BST1: variants seen among roughly 807,000 people sequenced by gnomAD.
BST1 encodes the protein ADP-ribosyl cyclase/cyclic ADP-ribose hydrolase 2.
BST1 carries 49 observed loss-of-function variants against 40.6 expected under a neutral mutation model. The ratio of observed to expected loss-of-function variants is 1.21; its 90% CI spans 0.96 to 1.53. BST1 has a LOEUF of 1.53. Among genes scored for constraint, BST1 ranks in the 40% most tolerant of loss-of-function variants. BST1 has a pLI of 0.00. For synonymous variants in BST1, 157 were observed against 159.3 expected (o/e 0.99, Z 0.11); for missense variants, 423 against 395.9 (o/e 1.07, Z -0.58).
chr4:15,731,446 G>T, intron 8 of BST1: 2 of 728,886 alleles, frequency 2.7e-6, no homozygotes, highest in Admixed American at 1.9e-5. Flanking sequence ...GAGAACTTGG[G>T]GCAGGGAGTG....
chr4:15,748,713 A>G, the BST1 span, among the ~76,000 whole-genome samples: 1 of 152,126 alleles, frequency 6.6e-6, no homozygotes, highest in Non-Finnish European at 1.5e-5. Context: ...AGGTCTTCTG[A>G]CTTCACACTA....
chr4:15,729,055 AT>A (rs1721258057), intron 8 of BST1, among the ~76,000 whole-genome samples: 2 of 152,246 alleles, frequency 1.3e-5, no homozygotes, highest in African/African-American at 4.8e-5. Context: ...AATTTTATAC[AT>A]TTATTAGGTT....
the BST1 span, among the ~76,000 whole-genome samples, chr4:15,750,568 C>T: frequency 6.6e-6 from 1 of 152,158 alleles, no homozygotes; most frequent in Non-Finnish European, 1.5e-5. Flanking sequence ...ACTATGCTGT[C>T]CAGTATGGTA....
chr4:15,729,134 T>G (rs2148895262), intron 8 of BST1, among the ~76,000 whole-genome samples: 1 of 152,340 alleles, frequency 6.6e-6, no homozygotes, highest in South Asian at 2.1e-4. Flanking sequence ...TTAAAAAAGA[T>G]GTAATATTTT....
At chr4:15,773,726 G>T in the BST1 span, among the ~76,000 whole-genome samples, 13 of 152,316 alleles carry the variant, frequency 8.5e-5, no homozygotes, top group South Asian at 2.1e-4. Context: ...AGCCCAGGAG[G>T]TTAAGGCTGC....
chr4:15,707,133 CA>C (rs1560276877), intron 2 of BST1, among the ~76,000 whole-genome samples: 2 of 152,166 alleles, frequency 1.3e-5, no homozygotes, highest in African/African-American at 4.8e-5. Flanking sequence ...CTGCATTTTC[CA>C]GAAGTAGAAA....
chr4:15,704,231 A>G, intron 1 of BST1, among the ~76,000 whole-genome samples: 1 of 96,558 alleles, frequency 1.0e-5, no homozygotes, highest in African/African-American at 4.3e-5. Flanking sequence ...AGAGCTGAGG[A>G]GAGTGTGTGT....
chr4:15,735,878 A>C (rs1721542182), downstream of BST1, among the ~76,000 whole-genome samples: 1 of 152,248 alleles, frequency 6.6e-6, no homozygotes, highest in Non-Finnish European at 1.5e-5. Context: ...TTATTTTTAA[A>C]AACTAAACAT....
At chr4:15,739,776 G>T (rs1043182709), downstream of BST1, among the ~76,000 whole-genome samples, 1 of 152,026 alleles carries the variant, frequency 6.6e-6, no homozygotes, top group Non-Finnish European at 1.5e-5. Flanking sequence ...AATTTTGTAG[G>T]GTAAAAAGAT....
Position 15,705,529 on chromosome 4 carries a change from C to A in BST1, c.203C>A (p.Thr68Lys). 1 of 1,591,454 alleles carries A rather than the reference C, an allele frequency of 6.3e-7. No homozygotes were observed. Among genetic ancestry groups the A allele is most frequent in the Non-Finnish European group, 8.5e-7 (1 of 1,170,320 alleles). ...CTTTTGCACAGGAACAAGAACTGCA[C>A]AGCCATCTGGGAAGCCTTTAAAGTG... is the stretch of plus-strand genomic sequence containing the variant. ...LSPEQRNKNC[T>K]AIWEAFKVAL... is the part of the protein sequence containing the mutation. The change falls in exon 2 of 9, where the codon ACA becomes AAA. Residue 68 changes from threonine (T) to lysine (K), a missense_variant. By Grantham distance (78) the Thr-to-Lys change is moderately conservative. Transcript: ENST00000265016.
At chr4:15,756,720 G>A in the BST1 span, among the ~76,000 whole-genome samples, 2 of 152,116 alleles carry the variant, frequency 1.3e-5, no homozygotes. Context: ...TTTCCCCCTA[G>A]CGGCCTCGGA....
chr4:15,718,911 T>A lies in BST1; in HGVS notation c.709T>A (p.Ser237Thr). The A allele has an allele frequency of 6.2e-7, 1 of 1,613,838 alleles. No individual in the cohort carries two copies. Among genetic ancestry groups the A allele is most frequent in the Non-Finnish European group, 8.5e-7 (1 of 1,179,808 alleles). ...TTATATATTTTCATGTTTTAGGGAA[T>A]CCTGCGGGGAAGGCAGCATGAAAGT... ...MHEIGGPNVE[S>T]CGEGSMKVLE... Residue 237 changes from serine to threonine, a missense_variant, in exon 7 of 9, where the codon TCC (serine) becomes ACC (threonine). Physicochemically the swap from Ser to Thr is moderately conservative, Grantham distance 58 (BLOSUM62 1). Transcript: ENST00000265016.
the BST1 span, among the ~76,000 whole-genome samples, chr4:15,744,574 G>A: frequency 3.9e-5 from 6 of 152,120 alleles, no homozygotes; most frequent in Non-Finnish European, 5.9e-5. Context: ...ATTTTGGGTG[G>A]AGACACAGAC....
chr4:15,749,428 G>A, the BST1 span, among the ~76,000 whole-genome samples: 4,073 of 152,188 alleles, frequency 0.027, 81 homozygotes, highest in Middle Eastern at 0.068. Flanking sequence ...TTATTCAGGG[G>A]ATCTTTTCTA....
At chr4:15,723,961 G>A (rs796871224) in intron 8 of BST1, among the ~76,000 whole-genome samples, 7 of 152,248 alleles carry the variant, frequency 4.6e-5, no homozygotes, top group African/African-American at 1.4e-4. Flanking sequence ...GTTTGTGTGG[G>A]CAGGAAGATT....
At chr4:15,733,521 T>C (rs1721460116), downstream of BST1, among the ~76,000 whole-genome samples, 1 of 152,232 alleles carries the variant, frequency 6.6e-6, no homozygotes, top group Non-Finnish European at 1.5e-5. Flanking sequence ...AGAAAAGCTC[T>C]CCAAGTCCCC....
chr4:15,753,676 G>A, the BST1 span, among the ~76,000 whole-genome samples: 1 of 152,234 alleles, frequency 6.6e-6, no homozygotes, highest in Admixed American at 6.5e-5. Context: ...AGGCAATGAT[G>A]GGACATACAT....
rs1404331179 is a variant in BST1 at position 15,732,637 on chromosome 4, A to T, written c.*792A>T. The T allele has an allele frequency of 6.6e-6, 1 of 152,250 alleles. No individual in the cohort carries two copies. The highest frequency in any genetic ancestry group is 1.9e-4 in the East Asian group (1 of 5,206). The allele number at this position is 152,250 out of a possible 1,614,324, so 9.4% of individuals were successfully genotyped here. A position where few individuals can be genotyped will look rare whatever the true frequency, so the allele number is the denominator to read the frequency against. On this transcript the variant is annotated 3_prime_UTR_variant, in exon 9 of 9. Transcript: ENST00000265016. ...CCAGCCATAATAGTTACTTATAATG[A>T]GGGAAAAACCCAAAATATCCAGTAA...
At position 15,711,663 on chromosome 4, in the gene BST1, G is replaced by A. The variant is rs563116119; in HGVS notation, c.452-144G>A. On this transcript the variant is annotated intron_variant, in intron 3 of 8. Transcript: ENST00000265016. ...ACCAGGCTCCTTGTGGATTGAGTGG[G>A]AAGAACTGTGGATGTTAAACTTGTA... 1.1e-3 allele frequency: 709 copies of A among 651,808 alleles called. 1 individual carries two copies. The highest frequency in any genetic ancestry group is 1.7e-3 in the Non-Finnish European group (617 of 369,770). 40.4% of individuals were successfully genotyped at this position (651,808 alleles called of 1,614,324 possible).
Sources: allele counts gnomAD v4.1 joint callset (sites outside exome capture counted in the v4.1 genomes callset), GRCh38; gene constraint gnomAD v4.1.1; transcripts MANE v1.5; gene names NCBI Gene and HGNC (gene_info 2026-07-23, HGNC 2026-07-21).